TTLL11: variants seen among roughly 807,000 people sequenced by gnomAD.
The protein encoded by TTLL11 is tubulin polyglutamylase TTLL11.
In TTLL11, 42 loss-of-function variants were observed where a neutral mutation model predicts 51.7. That is an observed-to-expected ratio of 0.81 (90% CI 0.64 to 1.05). The LOEUF (loss-of-function observed/expected upper bound fraction) is 1.05. Among genes scored for constraint, TTLL11 ranks in the 50% least tolerant of loss-of-function variants. TTLL11 has a pLI of 0.00. For missense variants in TTLL11, 799 were observed against 940.4 expected (o/e 0.85, Z 1.97); for synonymous variants, 381 against 383.5 (o/e 0.99, Z 0.08).
chr9:121,954,025 G>C (rs1446189169), intron 6 of TTLL11, among the ~76,000 whole-genome samples: 1 of 152,178 alleles, frequency 6.6e-6, no homozygotes, highest in Non-Finnish European at 1.5e-5. Flanking sequence ...AGAGCTGGCC[G>C]AGGGAGCTTC....
intron 6 of TTLL11, among the ~76,000 whole-genome samples, chr9:121,899,051 G>A (rs1214709247): frequency 1.3e-5 from 2 of 152,040 alleles, no homozygotes; most frequent in Non-Finnish European, 2.9e-5. Context: ...CCCTGTCAGG[G>A]GCCATGCTGT....
At chr9:122,000,076 G>C (rs1843413259) in intron 3 of TTLL11, among the ~76,000 whole-genome samples, 1 of 152,114 alleles carries the variant, frequency 6.6e-6, no homozygotes, top group South Asian at 2.1e-4. Context: ...ATAGGATCTG[G>C]GTAGAATGAG....
chr9:121,912,764 C>T (rs1294476484), intron 6 of TTLL11, among the ~76,000 whole-genome samples: 1 of 151,482 alleles, frequency 6.6e-6, no homozygotes, highest in African/African-American at 2.4e-5. Flanking sequence ...TTAGTAAGCA[C>T]TTAGAATGTG....
chr9:121,832,591 G>T (rs1837052324), intron 8 of TTLL11, among the ~76,000 whole-genome samples: 8 of 152,150 alleles, frequency 5.3e-5, no homozygotes, highest in Admixed American at 5.2e-4. Flanking sequence ...CTGGTAGGTG[G>T]CAGACCCCAA....
intron 6 of TTLL11, among the ~76,000 whole-genome samples, chr9:121,971,067 T>TG (rs1277705902): frequency 2.8e-5 from 3 of 105,890 alleles, no homozygotes; most frequent in African/African-American, 7.2e-5. Context: ...GGGAGGGAGG[T>TG]GGGGGGGTCA....
intron 8 of TTLL11, among the ~76,000 whole-genome samples, chr9:121,825,503 A>C (rs1836725230): frequency 1.3e-5 from 2 of 152,214 alleles, no homozygotes; most frequent in Non-Finnish European, 2.9e-5. Context: ...GTCTTCCTCT[A>C]TAAAGGAAGC....
intron 1 of TTLL11, among the ~76,000 whole-genome samples, chr9:122,088,474 C>G (rs1476864106): frequency 1.3e-5 from 2 of 152,210 alleles, no homozygotes; most frequent in Non-Finnish European, 2.9e-5. Context: ...ATGCATATTT[C>G]AAATGCTAGC....
At position 121,931,602 on chromosome 9, in the gene TTLL11, A is replaced by G. The variant is rs931675851; in HGVS notation, c.1481+42407T>C. ...TACTATTTAAAAAAAAAAAAAAAAAAAAAGAAAAGAAAAGAAAGAAATATT... is the reference window on the plus strand; with the variant it reads ...TACTATTTAAAAAAAAAAAAAAAAAGAAAGAAAAGAAAAGAAAGAAATATT... On this transcript the variant is annotated intron_variant, in intron 6 of 8. Coordinates refer to ENST00000321582, the MANE Select transcript of TTLL11 (RefSeq NM_001139442.2). 8.8e-4 allele frequency among the ~76,000 whole-genome samples: 133 copies of G among 150,710 alleles called. 1 individual carries two copies. Among genetic ancestry groups the G allele is most frequent in the Admixed American group, 1.9e-3 (29 of 15,150 alleles).
intron 8 of TTLL11, among the ~76,000 whole-genome samples, chr9:121,847,988 T>G (rs1051250967): frequency 6.6e-6 from 1 of 152,050 alleles, no homozygotes; most frequent in Non-Finnish European, 1.5e-5. Flanking sequence ...ATTGCTTGAG[T>G]CCAGGAGTTT....
intron 6 of TTLL11, chr9:121,885,530 G>A (rs1443002029): frequency 6.6e-6 from 1 of 152,232 alleles, no homozygotes; most frequent in Non-Finnish European, 1.5e-5. Context: ...TTTGAGGTTA[G>A]GATTCTTCTT....
intron 6 of TTLL11, among the ~76,000 whole-genome samples, chr9:121,892,132 T>TTA (rs955963746): frequency 1.2e-4 from 9 of 72,998 alleles, no homozygotes; most frequent in African/African-American, 1.9e-4. Flanking sequence ...CCTTCTACCT[T>TTA]TATATATATA....
intron 8 of TTLL11, among the ~76,000 whole-genome samples, chr9:121,826,217 T>TATACACAC (rs1491163835): frequency 1.0e-4 from 6 of 58,102 alleles, no homozygotes; most frequent in African/African-American, 4.5e-4. Flanking sequence ...TATATATATA[T>TATACACAC]GCACACATAT....
chr9:121,833,993 T>TTA (rs1467224092), intron 8 of TTLL11, among the ~76,000 whole-genome samples: 1 of 152,196 alleles, frequency 6.6e-6, no homozygotes, highest in African/African-American at 2.4e-5. Flanking sequence ...TGTTTCTGTC[T>TTA]TATCGTACAA....
chr9:121,926,675 C>T (rs569153713), intron 6 of TTLL11, among the ~76,000 whole-genome samples: 2 of 152,346 alleles, frequency 1.3e-5, no homozygotes, highest in Admixed American at 6.5e-5. Flanking sequence ...CTCCTCTCTC[C>T]CGTGTCACTT....
chr9:122,034,275 G>C (rs1291816190), intron 2 of TTLL11, among the ~76,000 whole-genome samples: 1 of 152,192 alleles, frequency 6.6e-6, no homozygotes, highest in Non-Finnish European at 1.5e-5. Flanking sequence ...GAAAAGTTTT[G>C]TGAAAATCTA....
chr9:121,864,940 C>G (rs1047784650), intron 7 of TTLL11, among the ~76,000 whole-genome samples: 1 of 152,070 alleles, frequency 6.6e-6, no homozygotes. Flanking sequence ...CTTCTCTGTG[C>G]AGAAAAGAAG....
intron 4 of TTLL11, among the ~76,000 whole-genome samples, chr9:121,981,187 C>T (rs1490392376): frequency 6.6e-6 from 1 of 151,482 alleles, no homozygotes; most frequent in African/African-American, 2.4e-5. Context: ...ACTTCAATTA[C>T]ACATATGTTA....
intron 6 of TTLL11, among the ~76,000 whole-genome samples, chr9:121,963,178 A>C (rs1478252216): frequency 6.6e-6 from 1 of 152,224 alleles, no homozygotes; most frequent in Non-Finnish European, 1.5e-5. Flanking sequence ...AGCTGGGACT[A>C]TATGTGAACA....
intron 1 of TTLL11, among the ~76,000 whole-genome samples, chr9:122,039,771 C>A (rs1413730290): frequency 3.3e-5 from 5 of 152,036 alleles, no homozygotes; most frequent in Non-Finnish European, 7.4e-5. Flanking sequence ...CCAGGTCTAT[C>A]CAAATTCCAA....
Sources: allele counts gnomAD v4.1 joint callset (sites outside exome capture counted in the v4.1 genomes callset), GRCh38; gene constraint gnomAD v4.1.1; transcripts MANE v1.5; gene names NCBI Gene and HGNC (gene_info 2026-07-23, HGNC 2026-07-21).